Variants in INAFM2 observed in about 807,000 individuals in gnomAD.
The protein encoded by INAFM2 is InaF motif containing 2.
Under a neutral mutation model 5.6 loss-of-function variants are expected in INAFM2, and 3 were observed. The observed-to-expected ratio is 0.54, with a 90% CI of 0.24 to 1.39. The LOEUF is 1.39. Among genes scored for constraint, INAFM2 ranks in the 40% most tolerant of loss-of-function variants. The pLI, the probability that INAFM2 is intolerant of heterozygous loss-of-function variation, is 0.16. For missense variants in INAFM2, 186 were observed against 217.5 expected (o/e 0.86, Z 0.91); for synonymous variants, 113 against 109.1 (o/e 1.04, Z -0.22).
rs1212783418 is a variant in INAFM2 at position 40,324,309 on chromosome 15, C to T, written c.254C>T (p.Pro85Leu). The change falls in exon 1 of 1, where the codon CCG becomes CTG. Residue 85 changes from proline (P) to leucine (L), a missense_variant. By Grantham distance (98) the Pro-to-Leu change is moderately conservative (BLOSUM62 -3). Around this residue, in one of 2 missense-constraint regions of INAFM2, gnomAD observed 148 missense variants for 140.2 expected, o/e 1.06. Coordinates refer to ENST00000638170, the MANE Select transcript of INAFM2 (RefSeq NM_001301268.2). ...CCCGGCGGCTCCAACGCCACTGGCCCGTCTGGGACTTCGGGGGCGGCGGCG... is the reference window on the plus strand; with the variant it reads ...CCCGGCGGCTCCAACGCCACTGGCCTGTCTGGGACTTCGGGGGCGGCGGCG... ...PPPGGSNATG[P>L]SGTSGAAAAG... is the part of the protein sequence containing the mutation. 5 of 1,227,756 alleles carry T rather than the reference C, an allele frequency of 4.1e-6. No homozygotes were observed. Among genetic ancestry groups the T allele is most frequent in the East Asian group, 6.4e-5 (2 of 31,352 alleles). The allele number at this position is 1,227,756 out of a possible 1,614,324, so 76.1% of individuals were successfully genotyped here. A position where few individuals can be genotyped will look rare whatever the true frequency, so the allele number is the denominator to read the frequency against.
Position 40,324,326 on chromosome 15 carries a change from G to A in INAFM2, c.271G>A (p.Ala91Thr). Residue 91 changes from alanine to threonine, a missense_variant, in exon 1 of 1, where the codon GCG becomes ACG. Ala to Thr is a moderately conservative substitution (Grantham distance 58). This residue lies in a region of INAFM2 where 148 missense variants were observed against 140.2 expected (regional missense o/e 1.06). Transcript: ENST00000638170. ...NATGPSGTSG[A>T]AAAGPNTTGS... ...CACTGGCCCGTCTGGGACTTCGGGG[G>A]CGGCGGCGGCGGGGCCCAACACCAC... 2 of 1,223,742 alleles carry A rather than the reference G, an allele frequency of 1.6e-6. No individual in the cohort carries two copies. Among genetic ancestry groups the A allele is most frequent in the Middle Eastern group, 3.2e-4 (1 of 3,174 alleles). 75.8% of individuals were successfully genotyped at this position (1,223,742 alleles called of 1,614,324 possible). A position where few individuals can be genotyped will look rare whatever the true frequency, so the allele number is the denominator to read the frequency against.
chr15:40,324,281 C>G lies in INAFM2; in HGVS notation c.226C>G (p.Pro76Ala). Residue 76 changes from proline (P) to alanine (A), a missense_variant, in exon 1 of 1, where the codon CCC (proline) becomes GCC (alanine). Around this residue, in one of 2 missense-constraint regions of INAFM2, gnomAD observed 148 missense variants for 140.2 expected, o/e 1.06. Coordinates refer to ENST00000638170, the MANE Select transcript of INAFM2 (RefSeq NM_001301268.2). ...GACCTCGGGGGGAGCCGCTGGCCCG[C>G]CCCCCGGCGGCTCCAACGCCACTGG... The part of the protein sequence containing the change: ...AGTSGGAAGP[P>A]PGGSNATGPS... The G allele has an allele frequency of 8.1e-7, 1 of 1,228,306 alleles. No individual in the cohort carries two copies. Among genetic ancestry groups the G allele is most frequent in the Non-Finnish European group, 1.0e-6 (1 of 985,972 alleles). The allele number at this position is 1,228,306 out of a possible 1,614,324, so 76.1% of individuals were successfully genotyped here.
rs1326860114 is a variant in INAFM2, at chr15:40,326,605, T to G, written c.*2088T>G. ...CTAGCTGTGAACATGACCAGAGACA[T>G]TATTTATAATTCAGCCATTTAAGAT... On this transcript the variant is annotated 3_prime_UTR_variant, in exon 1 of 1. Transcript: ENST00000638170. The G allele has an allele frequency of 6.6e-6, 1 of 152,364 alleles. No individual in the cohort carries two copies. The highest frequency in any genetic ancestry group is 1.5e-5 in the Non-Finnish European group (1 of 68,030). 9.4% of individuals were successfully genotyped at this position (152,364 alleles called of 1,614,324 possible).
rs905555198 is a variant in INAFM2 at position 40,326,375 on chromosome 15, A to C, written c.*1858A>C. 1 of 152,264 alleles carries C rather than the reference A, an allele frequency of 6.6e-6. No homozygotes were observed. Among genetic ancestry groups the C allele is most frequent in the African/African-American group, 2.4e-5 (1 of 41,464 alleles). The allele number at this position is 152,264 out of a possible 1,614,324, so 9.4% of individuals were successfully genotyped here. A position where few individuals can be genotyped will look rare whatever the true frequency, so the allele number is the denominator to read the frequency against. On this transcript the variant is annotated 3_prime_UTR_variant, in exon 1 of 1. Coordinates refer to ENST00000638170, the MANE Select transcript of INAFM2 (RefSeq NM_001301268.2). ...TAGTCCTATATTTTAATAATTTGTA[A>C]ATTGATCTCTTATTCCAAGAATCCT...
In INAFM2 at chr15:40,324,546, C is replaced by T; in HGVS notation, c.*29C>T. 1 of 1,217,456 alleles carries T rather than the reference C, an allele frequency of 8.2e-7. No homozygotes were observed. Among genetic ancestry groups the T allele is most frequent in the Non-Finnish European group, 1.0e-6 (1 of 976,548 alleles). 75.4% of individuals were successfully genotyped at this position (1,217,456 alleles called of 1,614,324 possible). ...CCTCCGCGCTGGGGGCCGCCGGGAA[C>T]CATTCTCCCCAAGCCCAGAGGCAGG... On this transcript the variant is annotated 3_prime_UTR_variant, in exon 1 of 1. Transcript: ENST00000638170.
chr15:40,324,320 T>A lies in INAFM2; in HGVS notation c.265T>A (p.Ser89Thr), dbSNP rs894997046. 2.6e-5 allele frequency: 32 copies of A among 1,225,432 alleles called. No individual in the cohort carries two copies. The highest frequency in any genetic ancestry group is 3.0e-5 in the Non-Finnish European group (30 of 984,642). 75.9% of individuals were successfully genotyped at this position (1,225,432 alleles called of 1,614,324 possible). A position where few individuals can be genotyped will look rare whatever the true frequency, so the allele number is the denominator to read the frequency against. The change falls in exon 1 of 1, where the codon TCG (serine) becomes ACG (threonine). Residue 89 changes from serine (S) to threonine (T), a missense_variant. Coordinates refer to ENST00000638170, the MANE Select transcript of INAFM2 (RefSeq NM_001301268.2). ...GSNATGPSGTSGAAAAGPNTT... is the reference protein window; with the variant it reads ...GSNATGPSGTTGAAAAGPNTT... ...CAACGCCACTGGCCCGTCTGGGACT[T>A]CGGGGGCGGCGGCGGCGGGGCCCAA...
chr15:40,323,723 G>T lies in INAFM2; in HGVS notation c.-333G>T, dbSNP rs1003499520. 3.4e-5 allele frequency: 5 copies of T among 148,058 alleles called. No individual in the cohort carries two copies. Among genetic ancestry groups the T allele is most frequent in the African/African-American group, 1.2e-4 (5 of 40,926 alleles). The allele number at this position is 148,058 out of a possible 1,614,324, so 9.2% of individuals were successfully genotyped here. ...GACCAGGCGGCCGGCGGCCGGGCAGGCGGCGGCGGAGCGCGCGGCGGCGTG... is the reference window on the plus strand; with the variant it reads ...GACCAGGCGGCCGGCGGCCGGGCAGTCGGCGGCGGAGCGCGCGGCGGCGTG... On this transcript the variant is annotated 5_prime_UTR_variant, in exon 1 of 1. Transcript: ENST00000638170. This position sits in a 1 kb window ranked among gnomAD's most constrained non-coding sequence, Gnocchi z 5.6.
Position 40,324,032 on chromosome 15 carries a change from C to G in INAFM2, c.-24C>G, listed in dbSNP as rs1400986939. 6 of 1,221,728 alleles carry G rather than the reference C, an allele frequency of 4.9e-6. No individual in the cohort carries two copies. The highest frequency in any genetic ancestry group is 5.1e-6 in the Non-Finnish European group (5 of 980,410). The allele number at this position is 1,221,728 out of a possible 1,614,324, so 75.7% of individuals were successfully genotyped here. A position where few individuals can be genotyped will look rare whatever the true frequency, so the allele number is the denominator to read the frequency against. ...CCCTCCAGCCGGGGCCGTGGAGCAC[C>G]GGGGCAAAGGCCGGGGCCCCCCCAT... On this transcript the variant is annotated 5_prime_UTR_variant, in exon 1 of 1. Transcript: ENST00000638170.
At position 40,326,680 on chromosome 15, in the gene INAFM2, A is replaced by G. The variant is rs1258946295; in HGVS notation, c.*2163A>G. The G allele has an allele frequency of 1.3e-5, 2 of 152,252 alleles. No homozygotes were observed. The highest frequency in any genetic ancestry group is 2.4e-5 in the African/African-American group (1 of 41,472). 9.4% of individuals were successfully genotyped at this position (152,252 alleles called of 1,614,324 possible). On this transcript the variant is annotated 3_prime_UTR_variant, in exon 1 of 1. Coordinates refer to ENST00000638170, the MANE Select transcript of INAFM2 (RefSeq NM_001301268.2). ...ATATTTTTAAAAAGTTTTATTTTTC[A>G]GGTGAACAAAAATACATCCTAAGAA... is the stretch of plus-strand genomic sequence containing the variant.
rs1483440682 is a variant in INAFM2 at position 40,324,338 on chromosome 15, G to A, written c.283G>A (p.Gly95Arg). ...PSGTSGAAAA[G>R]PNTTGSSRRE... ...TGGGACTTCGGGGGCGGCGGCGGCG[G>A]GGCCCAACACCACTGGGTCGTCCCG... Residue 95 changes from glycine (G) to arginine (R), a missense_variant, in exon 1 of 1, where the codon GGG becomes AGG. Gly to Arg is a moderately radical substitution (Grantham distance 125). This residue lies in a region of INAFM2 where 148 missense variants were observed against 140.2 expected (regional missense o/e 1.06). Coordinates refer to ENST00000638170, the MANE Select transcript of INAFM2 (RefSeq NM_001301268.2). The A allele has an allele frequency of 1.1e-5, 14 of 1,226,178 alleles. No individual in the cohort carries two copies. The highest frequency in any genetic ancestry group is 1.4e-5 in the Non-Finnish European group (14 of 984,434). The allele number at this position is 1,226,178 out of a possible 1,614,324, so 76.0% of individuals were successfully genotyped here.
In INAFM2 at chr15:40,324,218, G is replaced by T; in HGVS notation, c.163G>T (p.Val55Phe). The change falls in exon 1 of 1, where the codon GTC becomes TTC. Residue 55 changes from valine to phenylalanine, a missense_variant. Around this residue, in one of 2 missense-constraint regions of INAFM2, gnomAD observed 38 missense variants for 77.3 expected, o/e 0.49. Transcript: ENST00000638170. Reference protein sequence around the residue: ...SVSLAAIVLAVYYSLIWQPVG... With the variant: ...SVSLAAIVLAFYYSLIWQPVG... ...GTCGCTGGCCGCCATCGTGCTCGCCGTCTACTACAGCCTCATCTGGCAGCC... is the reference window on the plus strand; with the variant it reads ...GTCGCTGGCCGCCATCGTGCTCGCCTTCTACTACAGCCTCATCTGGCAGCC... 1.6e-6 allele frequency: 2 copies of T among 1,229,608 alleles called. No individual in the cohort carries two copies. The highest frequency in any genetic ancestry group is 2.0e-6 in the Non-Finnish European group (2 of 986,716). 76.2% of individuals were successfully genotyped at this position (1,229,608 alleles called of 1,614,324 possible). A position where few individuals can be genotyped will look rare whatever the true frequency, so the allele number is the denominator to read the frequency against.
Position 40,325,966 on chromosome 15 carries a change from T to G in INAFM2, c.*1449T>G, listed in dbSNP as rs984682198. 4 of 152,224 alleles carry G rather than the reference T, an allele frequency of 2.6e-5. No individual in the cohort carries two copies. Among genetic ancestry groups the G allele is most frequent in the Non-Finnish European group, 5.9e-5 (4 of 68,034 alleles). The allele number at this position is 152,224 out of a possible 1,614,324, so 9.4% of individuals were successfully genotyped here. ...AGTGATGAGATATCAAATCCCTTAG[T>G]GTTTCCATTTTGGGAAATGAGGCAC... is the stretch of plus-strand genomic sequence containing the variant. On this transcript the variant is annotated 3_prime_UTR_variant, in exon 1 of 1. Transcript: ENST00000638170.
At position 40,324,540 on chromosome 15, in the gene INAFM2, C is replaced by T. The variant is rs1595708026; in HGVS notation, c.*23C>T. On this transcript the variant is annotated 3_prime_UTR_variant, in exon 1 of 1. Transcript: ENST00000638170. ...TGAAGCCCTCCGCGCTGGGGGCCGCCGGGAACCATTCTCCCCAAGCCCAGA... is the reference window on the plus strand; with the variant it reads ...TGAAGCCCTCCGCGCTGGGGGCCGCTGGGAACCATTCTCCCCAAGCCCAGA... The T allele has an allele frequency of 8.2e-7, 1 of 1,222,742 alleles. No individual in the cohort carries two copies. The highest frequency in any genetic ancestry group is 3.2e-5 in the East Asian group (1 of 31,318). The allele number at this position is 1,222,742 out of a possible 1,614,324, so 75.7% of individuals were successfully genotyped here. A position where few individuals can be genotyped will look rare whatever the true frequency, so the allele number is the denominator to read the frequency against.
rs1888743633 is a variant in INAFM2, at chr15:40,324,168, C to G, written c.113C>G (p.Thr38Ser). The G allele has an allele frequency of 8.1e-7, 1 of 1,229,186 alleles. No homozygotes were observed. The highest frequency in any genetic ancestry group is 1.0e-6 in the Non-Finnish European group (1 of 986,514). The allele number at this position is 1,229,186 out of a possible 1,614,324, so 76.1% of individuals were successfully genotyped here. Residue 38 changes from threonine (T) to serine (S), a missense_variant, in exon 1 of 1, where the codon ACC (threonine) becomes AGC (serine). By Grantham distance (58) the Thr-to-Ser change is moderately conservative (BLOSUM62 1). Around this residue, in one of 2 missense-constraint regions of INAFM2, gnomAD observed 38 missense variants for 77.3 expected, o/e 0.49. Coordinates refer to ENST00000638170, the MANE Select transcript of INAFM2 (RefSeq NM_001301268.2). ...AACAAGAAGTGGGTCCGGCTCGCCA[C>G]CGTGTTCGCCTACGTGCTCTCCGTG... ...KTNKKWVRLA[T>S]VFAYVLSVSL...
rs1266354002 is a variant in INAFM2 at position 40,323,955 on chromosome 15, G to A, written c.-101G>A. ...CGGCGGCGGAGCGCGGGGCCGCCGG[G>A]AACCGAGGGCGCCGGGCCGCCCCCT... On this transcript the variant is annotated 5_prime_UTR_variant, in exon 1 of 1. Coordinates refer to ENST00000638170, the MANE Select transcript of INAFM2 (RefSeq NM_001301268.2). This position sits in a 1 kb window ranked among gnomAD's most constrained non-coding sequence, Gnocchi z 5.6. 9 of 588,300 alleles carry A rather than the reference G, an allele frequency of 1.5e-5. No homozygotes were observed. The highest frequency in any genetic ancestry group is 2.0e-5 in the African/African-American group (1 of 50,690). The allele number at this position is 588,300 out of a possible 1,614,324, so 36.4% of individuals were successfully genotyped here.
At position 40,324,812 on chromosome 15, in the gene INAFM2, T is replaced by C. The variant is rs191648697; in HGVS notation, c.*295T>C. On this transcript the variant is annotated 3_prime_UTR_variant, in exon 1 of 1. Coordinates refer to ENST00000638170, the MANE Select transcript of INAFM2 (RefSeq NM_001301268.2). ...GGGAGATCCCGGCACCAAACCCTTC[T>C]GCGCCGCTCGCTCTGGTGTATCCTA... 923 of 274,054 alleles carry C rather than the reference T, an allele frequency of 3.4e-3. 7 individuals carry two copies. Among genetic ancestry groups the C allele is most frequent in the African/African-American group, 0.019 (873 of 45,132 alleles). 17.0% of individuals were successfully genotyped at this position (274,054 alleles called of 1,614,324 possible).
rs894779532 is a variant in INAFM2 at position 40,323,949 on chromosome 15, C to T, written c.-107C>T. On this transcript the variant is annotated 5_prime_UTR_variant, in exon 1 of 1. Coordinates refer to ENST00000638170, the MANE Select transcript of INAFM2 (RefSeq NM_001301268.2). This position sits in a 1 kb window ranked among gnomAD's most constrained non-coding sequence, Gnocchi z 5.6. ...GAGGAGCGGCGGCGGAGCGCGGGGC[C>T]GCCGGGAACCGAGGGCGCCGGGCCG... 7.6e-6 allele frequency: 4 copies of T among 528,600 alleles called. No homozygotes were observed. Among genetic ancestry groups the T allele is most frequent in the East Asian group, 4.5e-5 (1 of 22,024 alleles). The allele number at this position is 528,600 out of a possible 1,614,324, so 32.7% of individuals were successfully genotyped here.
chr15:40,323,911 G>A lies in INAFM2; in HGVS notation c.-145G>A, dbSNP rs1325998932. 2 of 258,678 alleles carry A rather than the reference G, an allele frequency of 7.7e-6. No homozygotes were observed. The highest frequency in any genetic ancestry group is 5.9e-5 in the Admixed American group (1 of 16,946). 16.0% of individuals were successfully genotyped at this position (258,678 alleles called of 1,614,324 possible). The stretch of plus-strand genomic sequence containing the variant: ...CTGCAGCAACGCGGTGGCGGGCTGC[G>A]GGCGGGCGGCGTGAGGAGCGGCGGC... On this transcript the variant is annotated 5_prime_UTR_variant, in exon 1 of 1. Coordinates refer to ENST00000638170, the MANE Select transcript of INAFM2 (RefSeq NM_001301268.2). The surrounding 1 kb of genome is among the most constrained non-coding windows in gnomAD (Gnocchi z 5.6).
Position 40,324,440 on chromosome 15 carries a change from C to T in INAFM2, c.385C>T (p.Pro129Ser), listed in dbSNP as rs1245792190. Residue 129 changes from proline to serine, a missense_variant, in exon 1 of 1, where the codon CCG becomes TCG. Transcript: ENST00000638170. The part of the protein sequence containing the change: ...APPEPPADSP[P>S]AGPLERPRGP... ...TCCGGAGCCCCCTGCGGACAGCCCCCCGGCCGGGCCGCTCGAGCGGCCTCG... is the reference window on the plus strand; with the variant it reads ...TCCGGAGCCCCCTGCGGACAGCCCCTCGGCCGGGCCGCTCGAGCGGCCTCG... 2 of 1,226,822 alleles carry T rather than the reference C, an allele frequency of 1.6e-6. No homozygotes were observed. The highest frequency in any genetic ancestry group is 2.0e-6 in the Non-Finnish European group (2 of 984,696). The allele number at this position is 1,226,822 out of a possible 1,614,324, so 76.0% of individuals were successfully genotyped here.
Sources: gnomAD v4.1 joint callset for allele counts on GRCh38, gnomAD v4.1.1 for gene constraint, gnomAD v4.1.1 regional missense constraint, Gnocchi (gnomAD v3.1) non-coding constraint, MANE v1.5 for transcripts, NCBI Gene and HGNC (gene_info 2026-07-23, HGNC 2026-07-21) for gene names.